Variants in SH2B2 observed in about 807,000 individuals in gnomAD.
SH2B2 encodes the protein SH2B adapter protein 2.
Under a neutral mutation model 35.7 loss-of-function variants are expected in SH2B2, and 37 were observed. That is an observed-to-expected ratio of 1.04 (90% CI 0.80 to 1.36). The LOEUF (loss-of-function observed/expected upper bound fraction) is 1.36, where lower values mean the gene tolerates loss of function less well. SH2B2 is among the 40% of genes most tolerant of loss of function. The probability of loss-of-function intolerance (pLI) is 0.00; values close to 1 mark genes in which losing one functional copy is unlikely to be tolerated. For missense variants in SH2B2, 852 were observed against 817.7 expected (o/e 1.04, Z -0.51); for synonymous variants, 383 against 376.4 (o/e 1.02, Z -0.20).
intron 4 of SH2B2, 50 bp from the exon 5 acceptor site, chr7:102,314,286 C>A: frequency 2.5e-6 from 1 of 398,550 alleles, no homozygotes; most frequent in South Asian, 1.3e-4. Context: ...GCCTGTGGTC[C>A]GAGTCCAAGT....
intron 4 of SH2B2, among the ~76,000 whole-genome samples, chr7:102,311,768 G>C (rs782042004): frequency 2.0e-5 from 3 of 151,934 alleles, no homozygotes; most frequent in Non-Finnish European, 2.9e-5. Flanking sequence ...GGAGCCTTCA[G>C]AATGAAGACT....
Position 102,320,394 on chromosome 7 carries a change from G to A in SH2B2, c.1459G>A (p.Val487Met), listed in dbSNP as rs1794008311. The part of the protein sequence containing the change: ...CHVQHLWFQS[V>M]LDMLRHFHTH... ...CGTACAGCATCTGTGGTTCCAGTCT[G>A]TGCTTGACATGCTCCGCCACTTCCA... Residue 487 changes from valine (V) to methionine (M), a missense_variant, in exon 8 of 9, where the codon GTG (valine) becomes ATG (methionine). Coordinates refer to ENST00000444095, the MANE Select transcript of SH2B2 (RefSeq NM_001359228.2). 1.9e-6 allele frequency: 3 copies of A among 1,613,596 alleles called. No individual in the cohort carries two copies. The highest frequency in any genetic ancestry group is 2.5e-6 in the Non-Finnish European group (3 of 1,179,888).
chr7:102,319,667 T>G (rs1793980033), intron 7 of SH2B2, among the ~76,000 whole-genome samples: 1 of 151,872 alleles, frequency 6.6e-6, no homozygotes, highest in South Asian at 2.1e-4. Context: ...AGCCACTTGT[T>G]TCTGCAGTGG....
rs374808298 is a variant in SH2B2 at position 102,320,408 on chromosome 7, C to T, written c.1473C>T (p.Leu491=). 6.2e-7 allele frequency: 1 copy of T among 1,613,680 alleles called. No homozygotes were observed. The highest frequency in any genetic ancestry group is 8.5e-7 in the Non-Finnish European group (1 of 1,179,890). The change falls in exon 8 of 9, where the codon CTC becomes CTT. Residue 491 remains leucine, a synonymous_variant. Coordinates refer to ENST00000444095, the MANE Select transcript of SH2B2 (RefSeq NM_001359228.2). ...HLWFQSVLDM[L]RHFHTHPIPL... is the part of the protein sequence containing the mutation. ...GGTTCCAGTCTGTGCTTGACATGCT[C>T]CGCCACTTCCACACACACCCCATCC...
At chr7:102,312,628 T>A (rs1180542300) in intron 4 of SH2B2, among the ~76,000 whole-genome samples, 1 of 152,112 alleles carries the variant, frequency 6.6e-6, no homozygotes, top group Non-Finnish European at 1.5e-5. Context: ...GATTGGGTAA[T>A]TTCTTTCTTT....
At chr7:102,309,125 C>T (rs781859689) in intron 4 of SH2B2, 3 of 656,478 alleles carry the variant, frequency 4.6e-6, no homozygotes, top group Non-Finnish European at 8.4e-6. Flanking sequence ...GGGGCCAGGG[C>T]CTGGGGACCT....
chr7:102,301,526 T>C (rs896124929), intron 2 of SH2B2, among the ~76,000 whole-genome samples: 4 of 151,830 alleles, frequency 2.6e-5, no homozygotes, highest in Non-Finnish European at 4.4e-5. Context: ...GGGGCACTAA[T>C]TTTTTCTTTT....
At position 102,320,351 on chromosome 7, in the gene SH2B2, CGGCCACG is replaced by C; in HGVS notation, c.1418_1424del (p.Gly473AlafsTer173). 6.2e-7 allele frequency: 1 copy of C among 1,612,062 alleles called. No homozygotes were observed. The highest frequency in any genetic ancestry group is 8.5e-7 in the Non-Finnish European group (1 of 1,179,836). ...CACAGCACCTGCGCCTGTCCCTGAA[CGGCCACG>C]GCCAGTGTCACGTACAGCATCTGTG... On this transcript the variant is annotated frameshift_variant, in exon 8 of 9. Transcript: ENST00000444095. LOFTEE classifies it high-confidence loss of function.
chr7:102,306,837 CT>C lies in SH2B2; in HGVS notation c.831+16del. On this transcript the variant is annotated intron_variant, in intron 3 of 8. Transcript: ENST00000444095. ...TCGTCCTCAAGGTGAGGTCTCACCC[CT>C]AACCTCAGAGATCCTCCAGCTGCCC... The C allele has an allele frequency of 5.8e-6, 9 of 1,552,380 alleles. No homozygotes were observed. The highest frequency in any genetic ancestry group is 7.9e-6 in the Non-Finnish European group (9 of 1,143,138).
rs538304749 is a variant in SH2B2, at chr7:102,291,370, C to G, written c.-30+4276C>G. 3.9e-5 allele frequency among the ~76,000 whole-genome samples: 6 copies of G among 152,336 alleles called. No individual in the cohort carries two copies. The South Asian group carries it at 1.2e-3, about 32-fold the overall frequency. Reference sequence around the variant, plus strand: ...TTGCAATAGCTGCCTCCAAGCGATGCTGCTCAGGCCGAGCCTTGGACTAGA... The same window carrying G: ...TTGCAATAGCTGCCTCCAAGCGATGGTGCTCAGGCCGAGCCTTGGACTAGA... On this transcript the variant is annotated intron_variant, in intron 1 of 8. Transcript: ENST00000444095.
rs1792969708 is a variant in SH2B2, at chr7:102,297,467, C to T, written c.-29-3055C>T. On this transcript the variant is annotated intron_variant, in intron 1 of 8. Coordinates refer to ENST00000444095, the MANE Select transcript of SH2B2 (RefSeq NM_001359228.2). The surrounding 1 kb of genome is among the most constrained non-coding windows in gnomAD (Gnocchi z 4.3). ...AGGTTCAGTATTAGCCAGTTTCAAGCATCTGCTGGGGTTCTTGGGACATAT... is the reference window on the plus strand; with the variant it reads ...AGGTTCAGTATTAGCCAGTTTCAAGTATCTGCTGGGGTTCTTGGGACATAT... Among the ~76,000 whole-genome samples the T allele has an allele frequency of 6.6e-6, 1 of 151,892 alleles. No individual in the cohort carries two copies. Among genetic ancestry groups the T allele is most frequent in the Non-Finnish European group, 1.5e-5 (1 of 68,024 alleles).
intron 4 of SH2B2, chr7:102,309,460 A>T: frequency 6.9e-6 from 2 of 291,350 alleles, no homozygotes; most frequent in Non-Finnish European, 1.4e-5. Context: ...TCCCAGGTTC[A>T]AGCAATTTTC....
chr7:102,286,515 C>G (rs1244495051), upstream of SH2B2, among the ~76,000 whole-genome samples: 3 of 152,094 alleles, frequency 2.0e-5, no homozygotes, highest in Non-Finnish European at 4.4e-5. Context: ...ACCACCACCG[C>G]GGGCTCGAGG....
Position 102,320,499 on chromosome 7 carries a change from C to G in SH2B2, c.1564C>G (p.Pro522Ala), listed in dbSNP as rs1794014768. The G allele has an allele frequency of 6.2e-7, 1 of 1,610,878 alleles. No homozygotes were observed. Among genetic ancestry groups the G allele is most frequent in the East Asian group, 2.2e-5 (1 of 44,852 alleles). Residue 522 changes from proline to alanine, a missense_variant, in exon 8 of 9, where the codon CCA becomes GCA. Coordinates refer to ENST00000444095, the MANE Select transcript of SH2B2 (RefSeq NM_001359228.2). ...CTATGTGCGGGCCCAGGACCCCCCA[C>G]CAGGTAAGATGCCGCCACCTGGCTG... The part of the protein sequence containing the change: ...RSYVRAQDPP[P>A]EPGPTPPAAP...
At chr7:102,306,435 G>C (rs1586587406) in intron 2 of SH2B2, among the ~76,000 whole-genome samples, 1 of 152,178 alleles carries the variant, frequency 6.6e-6, no homozygotes, top group African/African-American at 2.4e-5. Context: ...TGCTGTCCAG[G>C]CTGTCCTTGA....
At chr7:102,306,311 A>C (rs1793396503) in intron 2 of SH2B2, among the ~76,000 whole-genome samples, 1 of 148,474 alleles carries the variant, frequency 6.7e-6, no homozygotes, top group South Asian at 2.2e-4. Context: ...CTGGTCTCAA[A>C]CTCCCGACTT....
rs782226447 is a variant in SH2B2 at position 102,297,692 on chromosome 7, TTCAG to T, written c.-29-2824_-29-2821del. On this transcript the variant is annotated intron_variant, in intron 1 of 8. Transcript: ENST00000444095. This position sits in a 1 kb window ranked among gnomAD's most constrained non-coding sequence, Gnocchi z 4.3. ...TGTGCCAAACTCATTCATTTGTTCA[TTCAG>T]TCAGTGTTTCCCAAGCGCCTGCTGT... Among the ~76,000 whole-genome samples the T allele has an allele frequency of 6.6e-5, 10 of 152,034 alleles. No homozygotes were observed. The highest frequency in any genetic ancestry group is 1.3e-4 in the Non-Finnish European group (9 of 68,022).
rs1178135636 is a variant in SH2B2 at position 102,314,701 on chromosome 7, T to C, written c.1186+19T>C. ...AACACAGGTGCCAGTGGGGACAGCC[T>C]GCTCTTCCCATCCCACCTCTCCTGG... On this transcript the variant is annotated intron_variant, in intron 6 of 8. Coordinates refer to ENST00000444095, the MANE Select transcript of SH2B2 (RefSeq NM_001359228.2). The C allele has an allele frequency of 1.0e-5, 4 of 398,594 alleles. No individual in the cohort carries two copies. The highest frequency in any genetic ancestry group is 8.2e-5 in the African/African-American group (4 of 48,622). 24.7% of individuals were successfully genotyped at this position (398,594 alleles called of 1,614,324 possible).
At chr7:102,308,002 C>G (rs1793468903) in intron 3 of SH2B2, among the ~76,000 whole-genome samples, 1 of 152,172 alleles carries the variant, frequency 6.6e-6, no homozygotes, top group Admixed American at 6.5e-5. Flanking sequence ...AACTCCTGAG[C>G]TCAGGAGATC....
Sources: gnomAD v4.1 joint callset for allele counts (sites outside exome capture counted in the v4.1 genomes callset) on GRCh38, gnomAD v4.1.1 for gene constraint, Gnocchi (gnomAD v3.1) non-coding constraint, MANE v1.5 for transcripts, NCBI Gene and HGNC (gene_info 2026-07-23, HGNC 2026-07-21) for gene names.